TP53BP2: variants seen among roughly 807,000 people sequenced by gnomAD.
The protein encoded by TP53BP2 is tumor protein p53 binding protein 2, also known as apoptosis-stimulating of p53 protein 2.
A neutral mutation model predicts 126.2 loss-of-function variants in TP53BP2; 62 were observed. The observed-to-expected ratio is 0.49, with a 90% CI of 0.40 to 0.61. The LOEUF (loss-of-function observed/expected upper bound fraction) is 0.61. Ranked by LOEUF, TP53BP2 falls within the 20% of genes least tolerant of loss-of-function variation. TP53BP2 has a pLI of 0.00. For synonymous variants in TP53BP2, 485 were observed against 502.9 expected (o/e 0.96, Z 0.48); for missense variants, 1,215 against 1,402.8 (o/e 0.87, Z 2.14).
At chr1:223,799,670 TCACA>T (rs1456252351) in intron 11 of TP53BP2, among the ~76,000 whole-genome samples, 1 of 152,156 alleles carries the variant, frequency 6.6e-6, no homozygotes, top group Non-Finnish European at 1.5e-5. Context: ...TTTTAGAGAA[TCACA>T]TGAAATATGA....
In TP53BP2 at chr1:223,796,396, G is replaced by T; in HGVS notation, c.2143C>A (p.Pro715Thr). 2.5e-6 allele frequency: 4 copies of T among 1,614,184 alleles called. No individual in the cohort carries two copies. In the South Asian group the frequency reaches 3.3e-5, roughly 13 times the overall value. The change falls in exon 13 of 18, where the codon CCT (proline) becomes ACT (threonine). Residue 715 changes from proline to threonine, a missense_variant. By Grantham distance (38) the Pro-to-Thr change is conservative (BLOSUM62 -1). Transcript: ENST00000343537. This position sits in a 1 kb window ranked among gnomAD's most constrained non-coding sequence, Gnocchi z 4.2. ...TCAGCATCACTCTGGTTTCGGTAAG[G>T]ATTAGATAAGAAAGGCAGTAATTTA... ...PTKLLPFLSN[P>T]YRNQSDADLE...
intron 14 of TP53BP2, 127 bp downstream of exon 14, chr1:223,793,176 G>A (rs907875357): frequency 5.8e-5 from 43 of 738,784 alleles, no homozygotes; most frequent in African/African-American, 9.2e-5. Context: ...CTCTACAGTC[G>A]CTTTCTAATT....
At chr1:223,784,668 T>C (rs59173114) in intron 16 of TP53BP2, among the ~76,000 whole-genome samples, 4,732 of 152,256 alleles carry the variant, frequency 0.031, 249 homozygotes, top group African/African-American at 0.11. Context: ...AAGTGAACGA[T>C]ATGCCTGTCC....
intron 16 of TP53BP2, among the ~76,000 whole-genome samples, chr1:223,784,740 A>T (rs1661891417): frequency 1.3e-5 from 2 of 152,182 alleles, no homozygotes; most frequent in African/African-American, 4.8e-5. Context: ...TTCATTCTTT[A>T]CCCAAAATTC....
At chr1:223,816,562 T>C (rs191849873) in intron 2 of TP53BP2, among the ~76,000 whole-genome samples, 1 of 151,400 alleles carries the variant, frequency 6.6e-6, no homozygotes, top group African/African-American at 2.4e-5. Context: ...AATGAACAAA[T>C]GAAAAAACAG....
chr1:223,831,461 C>A (rs1240294007), intron 1 of TP53BP2, among the ~76,000 whole-genome samples: 1 of 72,316 alleles, frequency 1.4e-5, no homozygotes, highest in Non-Finnish European at 2.7e-5. Flanking sequence ...CACATATGTA[C>A]CATCTAAAAA....
chr1:223,801,783 A>G (rs1571850298), intron 9 of TP53BP2, among the ~76,000 whole-genome samples: 1 of 152,192 alleles, frequency 6.6e-6, no homozygotes, highest in East Asian at 1.9e-4. Flanking sequence ...ATATGTTTTT[A>G]CCCAAAAAGA....
intron 16 of TP53BP2, among the ~76,000 whole-genome samples, chr1:223,786,045 G>A (rs902866060): frequency 7.9e-5 from 12 of 152,142 alleles, no homozygotes; most frequent in Admixed American, 3.9e-4. Context: ...CATGTCCTTC[G>A]AAAGCAGAAT....
intron 4 of TP53BP2, among the ~76,000 whole-genome samples, chr1:223,809,797 C>T (rs1249616597): frequency 6.6e-6 from 1 of 151,982 alleles, no homozygotes; most frequent in Non-Finnish European, 1.5e-5. Context: ...TGCTCAAATT[C>T]ACATGCAATA....
chr1:223,796,458 T>A lies in TP53BP2; in HGVS notation c.2081A>T (p.His694Leu), dbSNP rs143178271. The change falls in exon 13 of 18, where the codon CAT becomes CTT. Residue 694 changes from histidine to leucine, a missense_variant. His to Leu is a moderately conservative substitution (Grantham distance 99). Coordinates refer to ENST00000343537, the MANE Select transcript of TP53BP2 (RefSeq NM_001031685.3). The surrounding 1 kb of genome is among the most constrained non-coding windows in gnomAD (Gnocchi z 4.2). ...TGGCCGAGGAATTCTTTCGTTTTCA[T>A]GGTTCTCCTGAACTGAAGAAACAGG... ...TEPVSSVQEN[H>L]ENERIPRPLS... 6.2e-7 allele frequency: 1 copy of A among 1,614,222 alleles called. No individual in the cohort carries two copies.
chr1:223,794,551 T>C (rs566249585), intron 13 of TP53BP2, among the ~76,000 whole-genome samples: 3 of 152,330 alleles, frequency 2.0e-5, no homozygotes, highest in East Asian at 3.9e-4. Context: ...AAAGAAAGTA[T>C]AATACTTTTA....
intron 1 of TP53BP2, chr1:223,825,843 T>C (rs575240512): frequency 1.3e-5 from 2 of 152,338 alleles, no homozygotes; most frequent in African/African-American, 4.8e-5. Context: ...TTCCCTCTCA[T>C]GTCCACCCAC....
At position 223,802,173 on chromosome 1, in the gene TP53BP2, G is replaced by GC; in HGVS notation, c.1167dup (p.Pro390AlafsTer19). ...TTGGGCAGTGTCTGTATTTTCATCGGCCCCTCTGAAGCCTGAATGACCAAG... is the reference window on the plus strand; with the variant it reads ...TTGGGCAGTGTCTGTATTTTCATCGGCCCCCTCTGAAGCCTGAATGACCAAG... On this transcript the variant is annotated frameshift_variant, in exon 9 of 18. Coordinates refer to ENST00000343537, the MANE Select transcript of TP53BP2 (RefSeq NM_001031685.3). LOFTEE classifies it high-confidence loss of function. 2 of 1,614,080 alleles carry GC rather than the reference G, an allele frequency of 1.2e-6. No homozygotes were observed. The highest frequency in any genetic ancestry group is 1.7e-6 in the Non-Finnish European group (2 of 1,180,022).
At chr1:223,802,082 G>A (rs1358127570) in intron 9 of TP53BP2, 34 bp downstream of exon 9, 2 of 1,583,592 alleles carry the variant, frequency 1.3e-6, no homozygotes, top group African/African-American at 2.7e-5. Context: ...GAATAGTGGG[G>A]ACAGGAAGAA....
intron 1 of TP53BP2, chr1:223,845,235 C>T: frequency 1.0e-6 from 1 of 985,190 alleles, no homozygotes; most frequent in Non-Finnish European, 1.2e-6. Flanking sequence ...AGCAAAGGTA[C>T]CCGTTCCAGT....
At position 223,802,178 on chromosome 1, in the gene TP53BP2, T is replaced by C; in HGVS notation, c.1163A>G (p.Glu388Gly). ...CAGTGTCTGTATTTTCATCGGCCCC[T>C]CTGAAGCCTGAATGACCAAGGAACC... Reference protein sequence around the residue: ...PDGSLVIQASEGPMKIQTLPN... With the variant: ...PDGSLVIQASGGPMKIQTLPN... The change falls in exon 9 of 18, where the codon GAG (glutamate) becomes GGG (glycine). Residue 388 changes from glutamate (E) to glycine (G), a missense_variant. Coordinates refer to ENST00000343537, the MANE Select transcript of TP53BP2 (RefSeq NM_001031685.3). 2 of 1,614,164 alleles carry C rather than the reference T, an allele frequency of 1.2e-6. No individual in the cohort carries two copies. Among genetic ancestry groups the C allele is most frequent in the Non-Finnish European group, 1.7e-6 (2 of 1,180,032 alleles).
chr1:223,835,735 C>G (rs1663899949), intron 1 of TP53BP2, among the ~76,000 whole-genome samples: 1 of 152,168 alleles, frequency 6.6e-6, no homozygotes, highest in African/African-American at 2.4e-5. Flanking sequence ...TAAATCCCTA[C>G]AGTGTGCCAA....
chr1:223,803,195 C>G, intron 7 of TP53BP2, 76 bp downstream of exon 7: 1 of 1,485,986 alleles, frequency 6.7e-7, no homozygotes, highest in Non-Finnish European at 9.0e-7. Flanking sequence ...AAATCTAGCA[C>G]CTCTTGCTAC....
chr1:223,809,970 A>C (rs1164710365), intron 4 of TP53BP2, among the ~76,000 whole-genome samples: 1 of 151,998 alleles, frequency 6.6e-6, no homozygotes, highest in Non-Finnish European at 1.5e-5. Flanking sequence ...GGGATTACAG[A>C]CATGTACTAC....
Sources: allele counts gnomAD v4.1 joint callset (sites outside exome capture counted in the v4.1 genomes callset), GRCh38; gene constraint gnomAD v4.1.1; non-coding constraint Gnocchi (gnomAD v3.1); transcripts MANE v1.5; gene names NCBI Gene and HGNC (gene_info 2026-07-23, HGNC 2026-07-21).